Variants in PKIB observed in about 807,000 individuals in gnomAD.
The protein encoded by PKIB is cAMP-dependent protein kinase inhibitor beta.
A neutral mutation model predicts 4.5 loss-of-function variants in PKIB; 2 were observed. That is an observed-to-expected ratio of 0.44 (90% confidence interval 0.18 to 1.39). PKIB has a LOEUF of 1.39. Among genes scored for constraint, PKIB ranks in the 40% most tolerant of loss-of-function variants. The probability of loss-of-function intolerance (pLI) is 0.27; values close to 1 mark genes in which losing one functional copy is unlikely to be tolerated. For missense variants in PKIB, 94 were observed against 92.6 expected, an observed-to-expected ratio of 1.02 and a Z score of -0.06; for synonymous variants, 38 against 36.0, an observed-to-expected ratio of 1.06 and a Z score of -0.20.
intron 2 of PKIB, among the ~76,000 whole-genome samples, chr6:122,513,011 CTGTT>C (rs1776634688): frequency 2.0e-5 from 3 of 152,300 alleles, no homozygotes; most frequent in African/African-American, 7.2e-5. Flanking sequence ...GTCAGCATCT[CTGTT>C]TGAATGTCTC....
At chr6:122,636,164 C>T (rs924424062) in intron 2 of PKIB, among the ~76,000 whole-genome samples, 1 of 152,018 alleles carries the variant, frequency 6.6e-6, no homozygotes, top group African/African-American at 2.4e-5. Flanking sequence ...GGTCATGAAG[C>T]TAATAAGTAG....
chr6:122,631,067 A>C (rs1431400957), intron 1 of PKIB, among the ~76,000 whole-genome samples: 1 of 152,190 alleles, frequency 6.6e-6, no homozygotes, highest in Non-Finnish European at 1.5e-5. Flanking sequence ...TATTTGGTTG[A>C]TATCTTTTAT....
Position 122,725,301 on chromosome 6 carries a change from C to A in PKIB, c.*106C>A. On this transcript the variant is annotated 3_prime_UTR_variant, in exon 5 of 5. Transcript: ENST00000368452. Reference sequence around the variant, plus strand: ...GGTGGTAACTGTGGTAACATTGCAGCCCTAAGCAGCATGTGTATATTAGAT... The same window carrying A: ...GGTGGTAACTGTGGTAACATTGCAGACCTAAGCAGCATGTGTATATTAGAT... The A allele has an allele frequency of 2.3e-6, 2 of 852,642 alleles. No homozygotes were observed. Among genetic ancestry groups the A allele is most frequent in the South Asian group, 1.6e-5 (1 of 60,656 alleles). The allele number at this position is 852,642 out of a possible 1,614,324, so 52.8% of individuals were successfully genotyped here. A position where few individuals can be genotyped will look rare whatever the true frequency, so the allele number is the denominator to read the frequency against.
chr6:122,574,376 A>G (rs939201455), intron 2 of PKIB, among the ~76,000 whole-genome samples: 2 of 152,150 alleles, frequency 1.3e-5, no homozygotes, highest in Admixed American at 1.3e-4. Context: ...CCATCAAAAT[A>G]TCCATCATCG....
At position 122,725,387 on chromosome 6, in the gene PKIB, A is replaced by G; in HGVS notation, c.*192A>G. The G allele has an allele frequency of 1.8e-6, 1 of 554,538 alleles. No individual in the cohort carries two copies. Among genetic ancestry groups the G allele is most frequent in the Non-Finnish European group, 3.3e-6 (1 of 306,622 alleles). The allele number at this position is 554,538 out of a possible 1,614,324, so 34.4% of individuals were successfully genotyped here. On this transcript the variant is annotated 3_prime_UTR_variant, in exon 5 of 5. Coordinates refer to ENST00000368452, the MANE Select transcript of PKIB (RefSeq NM_181795.3). The stretch of plus-strand genomic sequence containing the variant: ...GATGATGTCCAAGGTAAGCTATTAA[A>G]AGGCAGGTTACTTCCAAATCGCACT...
At chr6:122,664,974 A>G (rs1028340439) in intron 2 of PKIB, among the ~76,000 whole-genome samples, 4 of 152,236 alleles carry the variant, frequency 2.6e-5, no homozygotes, top group African/African-American at 7.2e-5. Context: ...ACATTTAGCT[A>G]TTAGTCTTCC....
intron 3 of PKIB, among the ~76,000 whole-genome samples, chr6:122,702,131 T>G (rs1269111277): frequency 6.6e-6 from 1 of 152,018 alleles, no homozygotes; most frequent in East Asian, 1.9e-4. Flanking sequence ...TCTTAATAAC[T>G]TATGAACGAA....
At chr6:122,638,679 T>C (rs1477926400) in intron 2 of PKIB, among the ~76,000 whole-genome samples, 1 of 152,226 alleles carries the variant, frequency 6.6e-6, no homozygotes, top group African/African-American at 2.4e-5. Context: ...ACTTCAACTC[T>C]TTTTATCCAT....
intron 2 of PKIB, among the ~76,000 whole-genome samples, chr6:122,521,294 T>C (rs197693): frequency 0.81 from 122,631 of 152,090 alleles, 49,651 homozygotes; most frequent in South Asian, 0.92. Context: ...AACCACTGAG[T>C]TTGTCATTGC....
At chr6:122,549,097 T>A (rs1772589545) in intron 2 of PKIB, among the ~76,000 whole-genome samples, 1 of 152,170 alleles carries the variant, frequency 6.6e-6, no homozygotes, top group South Asian at 2.1e-4. Flanking sequence ...TGAGGCTGAA[T>A]CATGTGTCAG....
intron 3 of PKIB, among the ~76,000 whole-genome samples, chr6:122,696,069 G>T (rs1008480270): frequency 6.6e-6 from 1 of 152,094 alleles, no homozygotes; most frequent in Non-Finnish European, 1.5e-5. Flanking sequence ...CTATAAAGGT[G>T]GTTCACTGAG....
chr6:122,644,192 T>A (rs367716933), intron 2 of PKIB: 1 of 152,378 alleles, frequency 6.6e-6, no homozygotes, highest in East Asian at 1.9e-4. Flanking sequence ...AAAGTTGTGA[T>A]TTCAGGAATA....
intron 3 of PKIB, among the ~76,000 whole-genome samples, chr6:122,680,430 C>G (rs1238512797): frequency 3.3e-5 from 5 of 152,176 alleles, no homozygotes; most frequent in African/African-American, 4.8e-5. Context: ...AGGGGTTCTT[C>G]AGACCTATGG....
At position 122,578,044 on chromosome 6, in the gene PKIB, G is replaced by A. The variant is rs181704487; in HGVS notation, c.-247-7877G>A. Among the ~76,000 whole-genome samples the A allele has an allele frequency of 2.8e-3, 424 of 151,906 alleles. 2 individuals are homozygous for A. Among genetic ancestry groups the A allele is most frequent in the African/African-American group, 9.6e-3 (398 of 41,454 alleles). On this transcript the variant is annotated intron_variant, in intron 2 of 6. Transcript: ENST00000392491. ...TAAGATAAAGGGGTAAAACTTAGTGGGCAGGAATTATTACAGGATAGTTTT... is the reference window on the plus strand; with the variant it reads ...TAAGATAAAGGGGTAAAACTTAGTGAGCAGGAATTATTACAGGATAGTTTT...
At chr6:122,710,109 T>C (rs1170043013) in intron 3 of PKIB, among the ~76,000 whole-genome samples, 4 of 152,148 alleles carry the variant, frequency 2.6e-5, no homozygotes, top group Non-Finnish European at 5.9e-5. Flanking sequence ...TAATTCAACA[T>C]TGATTTATTG....
chr6:122,698,167 G>A (rs1267324758), intron 3 of PKIB, among the ~76,000 whole-genome samples: 2 of 152,048 alleles, frequency 1.3e-5, no homozygotes, highest in African/African-American at 4.8e-5. Flanking sequence ...GTATAATTGT[G>A]GCAACATCAT....
chr6:122,576,710 A>ATATATATTTT (rs59569106), intron 2 of PKIB, among the ~76,000 whole-genome samples: 163 of 109,924 alleles, frequency 1.5e-3, no homozygotes, highest in African/African-American at 2.7e-3. Context: ...ATATATATAT[A>ATATATATTTT]TTTTCTTTTG....
At chr6:122,539,776 C>A (rs1339817073) in intron 2 of PKIB, among the ~76,000 whole-genome samples, 1 of 151,998 alleles carries the variant, frequency 6.6e-6, no homozygotes, top group East Asian at 1.9e-4. Context: ...CTCCTTGTAC[C>A]TCTGGTAGAA....
At chr6:122,616,619 AGG>A (rs1775001230) in intron 1 of PKIB, among the ~76,000 whole-genome samples, 1 of 152,166 alleles carries the variant, frequency 6.6e-6, no homozygotes, top group South Asian at 2.1e-4. Flanking sequence ...TTTCCAATAA[AGG>A]GGATTGGGTT....
Sources: allele counts gnomAD v4.1 joint callset (sites outside exome capture counted in the v4.1 genomes callset), GRCh38; gene constraint gnomAD v4.1.1; transcripts MANE v1.5; gene names NCBI Gene and HGNC (gene_info 2026-07-23, HGNC 2026-07-21).